The following BBS9 variants were observed in gnomAD, a reference collection of about 807,000 sequenced individuals.
BBS9 encodes the protein Bardet-Biedl syndrome 9.
In BBS9, 89 loss-of-function variants were observed where a neutral mutation model predicts 117.7. The observed-to-expected ratio is 0.76, with a 90% CI of 0.64 to 0.90. BBS9 has a LOEUF of 0.90. BBS9 is among the 40% of genes least tolerant of loss of function. BBS9 has a pLI of 0.00. For synonymous variants in BBS9, 379 were observed against 370.9 expected (o/e 1.02, Z -0.25); for missense variants, 982 against 1,042.2 (o/e 0.94, Z 0.80).
intron 19 of BBS9, among the ~76,000 whole-genome samples, chr7:33,405,324 G>T (rs1367079350): frequency 1.3e-5 from 2 of 152,018 alleles, no homozygotes; most frequent in African/African-American, 2.4e-5. Flanking sequence ...TTGTGTCTCT[G>T]CCCGGCTTTG....
chr7:33,274,331 TATA>T (rs1183040914), intron 9 of BBS9, among the ~76,000 whole-genome samples: 1 of 152,214 alleles, frequency 6.6e-6, no homozygotes, highest in East Asian at 1.9e-4. Context: ...CACTGTTCAT[TATA>T]ATAAGTTCTC....
intron 21 of BBS9, among the ~76,000 whole-genome samples, chr7:33,547,961 T>C (rs1853684420): frequency 6.6e-6 from 1 of 152,126 alleles, no homozygotes; most frequent in Non-Finnish European, 1.5e-5. Context: ...GAAGAAGCAA[T>C]TAGGAGCAAC....
chr7:33,432,654 A>G (rs1834691230), intron 19 of BBS9, among the ~76,000 whole-genome samples: 1 of 152,184 alleles, frequency 6.6e-6, no homozygotes, highest in Admixed American at 6.5e-5. Flanking sequence ...GCACCTAGAA[A>G]AGAAAAGTTG....
chr7:33,153,049 A>C (rs1413901088), intron 3 of BBS9, among the ~76,000 whole-genome samples, 198 bp downstream of exon 3: 1 of 152,232 alleles, frequency 6.6e-6, no homozygotes, highest in Non-Finnish European at 1.5e-5. Context: ...AGGGCCTTTT[A>C]ATAGTAATAG....
intron 19 of BBS9, among the ~76,000 whole-genome samples, chr7:33,431,289 T>G (rs905210948): frequency 6.6e-6 from 1 of 152,080 alleles, no homozygotes; most frequent in African/African-American, 2.4e-5. Flanking sequence ...ATTCTGGGTT[T>G]GGGTTGATGT....
downstream of BBS9, among the ~76,000 whole-genome samples, chr7:33,607,074 T>C (rs946524051): frequency 1.3e-5 from 2 of 152,134 alleles, no homozygotes; most frequent in Non-Finnish European, 2.9e-5. Flanking sequence ...CTCTTACTTA[T>C]TGTATTTCAG....
intron 4 of BBS9, among the ~76,000 whole-genome samples, chr7:33,167,883 G>A (rs1795943999): frequency 6.6e-6 from 1 of 152,130 alleles, no homozygotes; most frequent in Non-Finnish European, 1.5e-5. Context: ...GCAATTAACT[G>A]TGGAAATAAC....
intron 9 of BBS9, among the ~76,000 whole-genome samples, chr7:33,303,520 CCT>C (rs1271911648): frequency 1.6e-5 from 1 of 64,032 alleles, no homozygotes; most frequent in African/African-American, 8.4e-5. Context: ...GAAATGATCC[CCT>C]CCCCCCGCCC....
At chr7:33,310,364 AC>A (rs1808952485) in intron 9 of BBS9, among the ~76,000 whole-genome samples, 1 of 152,088 alleles carries the variant, frequency 6.6e-6, no homozygotes, top group Non-Finnish European at 1.5e-5. Flanking sequence ...TTTAAAAAAA[AC>A]ACACTTGTTG....
intron 5 of BBS9, among the ~76,000 whole-genome samples, chr7:33,233,887 T>A (rs1583783779): frequency 6.6e-6 from 1 of 152,280 alleles, no homozygotes; most frequent in Non-Finnish European, 1.5e-5. Context: ...AGTTTCACTT[T>A]CCGTGGTTTG....
chr7:33,386,621 G>A (rs1826073582), intron 18 of BBS9, among the ~76,000 whole-genome samples: 1 of 151,882 alleles, frequency 6.6e-6, no homozygotes, highest in African/African-American at 2.4e-5. Flanking sequence ...CTCCTGAGTA[G>A]CTGGGACTAC....
chr7:33,313,871 C>A (rs533550190), intron 9 of BBS9, among the ~76,000 whole-genome samples: 1 of 152,164 alleles, frequency 6.6e-6, no homozygotes, highest in Non-Finnish European at 1.5e-5. Flanking sequence ...AATGTCTACT[C>A]TTGAGAAGTC....
At chr7:33,295,420 A>G (rs1464296024) in intron 9 of BBS9, among the ~76,000 whole-genome samples, 3 of 47,492 alleles carry the variant, frequency 6.3e-5, no homozygotes, top group Non-Finnish European at 9.2e-5. Flanking sequence ...AAATTAAGAA[A>G]TAATTTTTTA....
chr7:33,148,710 G>C (rs1046224539), intron 2 of BBS9, among the ~76,000 whole-genome samples: 2 of 150,564 alleles, frequency 1.3e-5, no homozygotes, highest in African/African-American at 4.9e-5. Flanking sequence ...TGCTGCCCAG[G>C]ATGGAGTGCA....
In BBS9 at chr7:33,629,758, C is replaced by T. The variant is rs115959024; in HGVS notation, c.2522-5419C>T. Reference sequence around the variant, plus strand: ...TTCACTGTGACATATCCTGATTCAACGTTAAAATTGCATTTCTGTGAAACC... The same window carrying T: ...TTCACTGTGACATATCCTGATTCAATGTTAAAATTGCATTTCTGTGAAACC... On this transcript the variant is annotated intron_variant, in intron 21 of 21. Transcript: ENST00000671952. Among the ~76,000 whole-genome samples the T allele has an allele frequency of 2.1e-3, 316 of 152,290 alleles. 1 individual carries two copies. Among genetic ancestry groups the T allele is most frequent in the African/African-American group, 7.1e-3 (295 of 41,562 alleles).
intron 19 of BBS9, among the ~76,000 whole-genome samples, chr7:33,397,783 C>T (rs568785722): frequency 1.2e-3 from 186 of 152,120 alleles, no homozygotes; most frequent in African/African-American, 4.3e-3. Context: ...CACATGGACA[C>T]ATTGTGAGGG....
intron 19 of BBS9, among the ~76,000 whole-genome samples, chr7:33,500,318 G>A (rs561358786): frequency 1.3e-5 from 2 of 152,332 alleles, no homozygotes; most frequent in Admixed American, 6.5e-5. Flanking sequence ...GGGGCTGAAT[G>A]TATAATTTGT....
chr7:33,370,854 A>G (rs750789926), intron 17 of BBS9, among the ~76,000 whole-genome samples: 2 of 151,970 alleles, frequency 1.3e-5, no homozygotes, highest in African/African-American at 2.4e-5. Context: ...TTTTGTCTCT[A>G]TTTGTACATT....
intron 19 of BBS9, among the ~76,000 whole-genome samples, chr7:33,429,774 T>C (rs1301791686): frequency 2.0e-5 from 3 of 152,224 alleles, no homozygotes; most frequent in Admixed American, 2.0e-4. Context: ...TACTCTGTAA[T>C]TTCAATATTG....
Sources: gnomAD v4.1 joint callset for allele counts (sites outside exome capture counted in the v4.1 genomes callset) on GRCh38, gnomAD v4.1.1 for gene constraint, MANE v1.5 for transcripts, NCBI Gene and HGNC (gene_info 2026-07-23, HGNC 2026-07-21) for gene names.